Variants in BAZ1A observed in about 807,000 individuals in gnomAD.
The protein encoded by BAZ1A is bromodomain adjacent to zinc finger domain protein 1A.
Under a neutral mutation model 185.2 loss-of-function variants are expected in BAZ1A, and 50 were observed. The observed-to-expected ratio is 0.27, with a 90% confidence interval of 0.22 to 0.34. The LOEUF is 0.34. Among genes scored for constraint, BAZ1A ranks in the 10% least tolerant of loss-of-function variants. BAZ1A has a pLI of 1.00. For missense variants in BAZ1A, 1,356 were observed against 1,839.9 expected (o/e 0.74, Z 4.81); for synonymous variants, 571 against 615.6 (o/e 0.93, Z 1.07).
At chr14:34,799,438 TA>T (rs1396858992) in intron 9 of BAZ1A, among the ~76,000 whole-genome samples, 1 of 152,088 alleles carries the variant, frequency 6.6e-6, no homozygotes, top group Non-Finnish European at 1.5e-5. Context: ...ACAGAGCATG[TA>T]ATATGATCCT....
chr14:34,856,427 G>A (rs2042679705), intron 3 of BAZ1A, among the ~76,000 whole-genome samples: 1 of 151,854 alleles, frequency 6.6e-6, no homozygotes. Context: ...AGGACTACAG[G>A]CACATGCCAT....
chr14:34,761,937 G>A lies in BAZ1A; in HGVS notation c.4063C>T (p.Arg1355Cys), dbSNP rs1307160236. ...CTTTTCCTGCCTCTGCGTTTTCTAC[G>A]AGGACTAAGCAATTCCACAAATACA... ...ADVFVELLSP[R>C]RKRRGRKSAN... Residue 1355 changes from arginine (R) to cysteine (C), a missense_variant, in exon 24 of 27, where the codon CGT becomes TGT. By Grantham distance (180) the Arg-to-Cys change is radical (BLOSUM62 -3). Transcript: ENST00000360310. 3.1e-6 allele frequency: 5 copies of A among 1,614,120 alleles called. No individual in the cohort carries two copies. The highest frequency in any genetic ancestry group is 1.1e-5 in the South Asian group (1 of 91,082).
At chr14:34,861,595 G>A (rs2042769567) in intron 3 of BAZ1A, among the ~76,000 whole-genome samples, 1 of 152,072 alleles carries the variant, frequency 6.6e-6, no homozygotes, top group Non-Finnish European at 1.5e-5. Flanking sequence ...ACATAATGAG[G>A]ACACAGTAGA....
intron 18 of BAZ1A, among the ~76,000 whole-genome samples, chr14:34,775,260 A>C (rs970551112): frequency 6.6e-6 from 1 of 152,218 alleles, no homozygotes; most frequent in Non-Finnish European, 1.5e-5. Context: ...CCTGAAAAAA[A>C]CTGAAGTGGT....
chr14:34,841,701 T>G (rs2042417837), intron 3 of BAZ1A, among the ~76,000 whole-genome samples: 1 of 152,210 alleles, frequency 6.6e-6, no homozygotes, highest in South Asian at 2.1e-4. Flanking sequence ...TTATGTTTCC[T>G]TAATGCATTT....
In BAZ1A at chr14:34,786,164, A is replaced by G; in HGVS notation, c.1568T>C (p.Val523Ala). ...TGGCCATGCAGCTGCCAAAGATGCA[A>G]CTGCAGACAGTGCAGATTTTGTGGG... is the stretch of plus-strand genomic sequence containing the variant. ...ADPTKSALSA[V>A]ASLAAAWPQL... Residue 523 changes from valine (V) to alanine (A), a missense_variant, in exon 13 of 27, where the codon GTT becomes GCT. By Grantham distance (64) the Val-to-Ala change is moderately conservative. Around this residue, in one of 7 missense-constraint regions of BAZ1A, gnomAD observed 184 missense variants for 355.1 expected, o/e 0.52. Transcript: ENST00000360310. 6.2e-7 allele frequency: 1 copy of G among 1,613,742 alleles called. No individual in the cohort carries two copies.
chr14:34,779,279 T>C (rs1879882210), intron 17 of BAZ1A, among the ~76,000 whole-genome samples: 1 of 152,218 alleles, frequency 6.6e-6, no homozygotes, highest in South Asian at 2.1e-4. Flanking sequence ...TCTTCTTTTC[T>C]AATATGTATT....
At chr14:34,858,419 T>C (rs576365665) in intron 3 of BAZ1A, among the ~76,000 whole-genome samples, 1 of 152,332 alleles carries the variant, frequency 6.6e-6, no homozygotes, top group African/African-American at 2.4e-5. Flanking sequence ...TAATTGACTA[T>C]TGACTACTCC....
At chr14:34,859,852 T>G (rs1258798873) in intron 3 of BAZ1A, among the ~76,000 whole-genome samples, 1 of 152,182 alleles carries the variant, frequency 6.6e-6, no homozygotes, top group African/African-American at 2.4e-5. Context: ...TCGTGCTGTC[T>G]CCAGTCTTTG....
chr14:34,757,289 C>T (rs1310643517), intron 25 of BAZ1A, among the ~76,000 whole-genome samples: 1 of 149,114 alleles, frequency 6.7e-6, no homozygotes, highest in Non-Finnish European at 1.5e-5. Flanking sequence ...CACTTGAACC[C>T]AGAAGGTGGA....
intron 4 of BAZ1A, among the ~76,000 whole-genome samples, chr14:34,818,507 C>T (rs2042038447): frequency 6.6e-6 from 1 of 152,124 alleles, no homozygotes; most frequent in Non-Finnish European, 1.5e-5. Context: ...TGACACATAA[C>T]TATCACCCAA....
chr14:34,832,213 CACATAT>C (rs2042255711), intron 3 of BAZ1A, among the ~76,000 whole-genome samples: 7 of 78,696 alleles, frequency 8.9e-5, no homozygotes, highest in East Asian at 2.8e-4. Context: ...CACACACACA[CACATAT>C]ATATATATAT....
chr14:34,798,697 G>T (rs1431328666), intron 9 of BAZ1A, among the ~76,000 whole-genome samples: 1 of 152,152 alleles, frequency 6.6e-6, no homozygotes, highest in Non-Finnish European at 1.5e-5. Context: ...CCATCTCACA[G>T]CAGTTAGAAT....
intron 21 of BAZ1A, among the ~76,000 whole-genome samples, chr14:34,766,937 A>G (rs1392175111): frequency 6.6e-6 from 1 of 152,242 alleles, no homozygotes; most frequent in Non-Finnish European, 1.5e-5. Context: ...ATGTTTTAAG[A>G]AGTTTAAAAT....
Position 34,770,400 on chromosome 14 carries a change from G to A in BAZ1A, c.3301+1111C>T, listed in dbSNP as rs143873700. Among the ~76,000 whole-genome samples, 475 of 152,252 alleles carry A rather than the reference G, an allele frequency of 3.1e-3. 3 individuals are homozygous for A. Among genetic ancestry groups the A allele is most frequent in the African/African-American group, 0.011 (449 of 41,530 alleles). ...ACTCCTGACCTCAGGTGATCCAACC[G>A]CCTCGGCCTCCCAAAGTGCTGGGAT... On this transcript the variant is annotated intron_variant, in intron 21 of 26. Transcript: ENST00000360310.
At chr14:34,843,996 G>C (rs1366837731) in intron 3 of BAZ1A, among the ~76,000 whole-genome samples, 1 of 151,130 alleles carries the variant, frequency 6.6e-6, no homozygotes, top group African/African-American at 2.4e-5. Flanking sequence ...ACGAGGTCAG[G>C]AGATCGAGAC....
chr14:34,851,527 A>G (rs1442993937), intron 3 of BAZ1A, among the ~76,000 whole-genome samples: 1 of 152,062 alleles, frequency 6.6e-6, no homozygotes, highest in Non-Finnish European at 1.5e-5. Flanking sequence ...TGATTTCCAC[A>G]TCTTTTTTCC....
At chr14:34,756,078 C>A (rs199611674) in intron 25 of BAZ1A, among the ~76,000 whole-genome samples, 20 of 145,934 alleles carry the variant, frequency 1.4e-4, no homozygotes, top group African/African-American at 4.8e-4. Flanking sequence ...TGGGCTCAAG[C>A]GATCCACCTG....
intron 4 of BAZ1A, among the ~76,000 whole-genome samples, chr14:34,820,796 A>G (rs528891043): frequency 2.0e-5 from 3 of 152,056 alleles, no homozygotes; most frequent in African/African-American, 7.2e-5. Flanking sequence ...AGGTTTTTCT[A>G]GCACTACTGA....
Sources: gnomAD v4.1 joint callset for allele counts (sites outside exome capture counted in the v4.1 genomes callset) on GRCh38, gnomAD v4.1.1 for gene constraint, gnomAD v4.1.1 regional missense constraint, MANE v1.5 for transcripts, NCBI Gene and HGNC (gene_info 2026-07-23, HGNC 2026-07-21) for gene names.